SMURF2: variants seen among roughly 807,000 people sequenced by gnomAD.
SMURF2 encodes SMAD specific E3 ubiquitin protein ligase 2.
In SMURF2, 48 loss-of-function variants were observed where a neutral mutation model predicts 109.6. The ratio of observed to expected loss-of-function variants is 0.44; its 90% CI spans 0.35 to 0.56. The LOEUF is 0.56. Ranked by LOEUF, SMURF2 falls within the 20% of genes least tolerant of loss-of-function variation. The probability of loss-of-function intolerance (pLI) is 0.01; values close to 1 mark genes in which losing one functional copy is unlikely to be tolerated. For synonymous variants in SMURF2, 288 were observed against 317.1 expected (o/e 0.91, Z 0.97); for missense variants, 575 against 909.0 (o/e 0.63, Z 4.72).
chr17:64,657,245 A>G (rs1354729751), intron 1 of SMURF2, among the ~76,000 whole-genome samples: 1 of 152,176 alleles, frequency 6.6e-6, no homozygotes, highest in Non-Finnish European at 1.5e-5. Context: ...GATAACAGTA[A>G]TCTTTGAGTT....
chr17:64,638,056 CTTTT>C (rs1280122886), intron 1 of SMURF2, among the ~76,000 whole-genome samples: 2 of 128,978 alleles, frequency 1.6e-5, no homozygotes, highest in Non-Finnish European at 3.2e-5. Context: ...TTTTTTTTTC[CTTTT>C]TCTTTTTTTT....
At chr17:64,646,423 G>A (rs1464430228) in intron 1 of SMURF2, among the ~76,000 whole-genome samples, 3 of 132,548 alleles carry the variant, frequency 2.3e-5, no homozygotes, top group African/African-American at 8.8e-5. Context: ...TGGCTCTATC[G>A]CCCAGGCTGG....
chr17:64,593,275 G>T, intron 4 of SMURF2, 165 bp downstream of exon 4: 4 of 390,282 alleles, frequency 1.0e-5, no homozygotes, highest in Non-Finnish European at 1.6e-5. Context: ...ACATGCACAA[G>T]AAGTTGTGTT....
At chr17:64,614,926 T>C (rs1313905343) in intron 1 of SMURF2, among the ~76,000 whole-genome samples, 4 of 152,230 alleles carry the variant, frequency 2.6e-5, no homozygotes, top group Non-Finnish European at 5.9e-5. Flanking sequence ...ATGGAAATCT[T>C]ATACTTCATT....
intron 9 of SMURF2, among the ~76,000 whole-genome samples, chr17:64,577,082 A>C (rs541645472): frequency 1.3e-5 from 2 of 151,632 alleles, no homozygotes; most frequent in African/African-American, 4.8e-5. Flanking sequence ...AACGATTATA[A>C]ATCATGCTGC....
intron 1 of SMURF2, among the ~76,000 whole-genome samples, chr17:64,625,517 ATC>A (rs1970255666): frequency 6.6e-6 from 1 of 152,230 alleles, no homozygotes; most frequent in Non-Finnish European, 1.5e-5. Context: ...TTCAACACAG[ATC>A]TCTGTTTTAT....
chr17:64,544,586 A>T lies in SMURF2; in HGVS notation c.*1262T>A, dbSNP rs1236050394. 5 of 152,116 alleles carry T rather than the reference A, an allele frequency of 3.3e-5. No homozygotes were observed. Among genetic ancestry groups the T allele is most frequent in the Non-Finnish European group, 5.9e-5 (4 of 68,028 alleles). 9.4% of individuals were successfully genotyped at this position (152,116 alleles called of 1,614,324 possible). On this transcript the variant is annotated 3_prime_UTR_variant, in exon 19 of 19. Coordinates refer to ENST00000262435, the MANE Select transcript of SMURF2 (RefSeq NM_022739.4). ...CACGCACCTTGAAAGCTAAATCTGG[A>T]CGTTTCAAAATCAGATGCAGATCTT...
intron 1 of SMURF2, 24 bp downstream of exon 1, chr17:64,661,805 G>A: frequency 8.2e-7 from 1 of 1,216,526 alleles, no homozygotes; most frequent in East Asian, 3.2e-5. Flanking sequence ...CGGCTGCCCA[G>A]CCCGGCCCGC....
intron 9 of SMURF2, among the ~76,000 whole-genome samples, chr17:64,575,924 G>A (rs373815387): frequency 2.0e-5 from 3 of 152,010 alleles, no homozygotes; most frequent in Non-Finnish European, 4.4e-5. Flanking sequence ...TCAAAATAGG[G>A]CCAAGCATGG....
At chr17:64,658,286 G>A (rs1157323325) in intron 1 of SMURF2, among the ~76,000 whole-genome samples, 1 of 152,148 alleles carries the variant, frequency 6.6e-6, no homozygotes, top group Non-Finnish European at 1.5e-5. Flanking sequence ...GAACCCGGGA[G>A]GTGGAGGTTG....
chr17:64,582,370 A>G (rs1969590312), intron 7 of SMURF2, among the ~76,000 whole-genome samples: 1 of 152,222 alleles, frequency 6.6e-6, no homozygotes, highest in African/African-American at 2.4e-5. Flanking sequence ...ACAAGATGGC[A>G]AATTTTGTTC....
intron 1 of SMURF2, among the ~76,000 whole-genome samples, chr17:64,610,463 T>C (rs186864901): frequency 6.6e-6 from 1 of 152,302 alleles, no homozygotes; most frequent in African/African-American, 2.4e-5. Context: ...TGCAGGGACA[T>C]GGATGAGGCC....
At chr17:64,638,975 C>T (rs1970458163) in intron 1 of SMURF2, among the ~76,000 whole-genome samples, 1 of 152,158 alleles carries the variant, frequency 6.6e-6, no homozygotes, top group Non-Finnish European at 1.5e-5. Flanking sequence ...CAATGCCACC[C>T]AACATAAGGA....
chr17:64,600,288 C>G (rs1476797287), intron 2 of SMURF2, among the ~76,000 whole-genome samples: 1 of 151,912 alleles, frequency 6.6e-6, no homozygotes, highest in East Asian at 1.9e-4. Context: ...GTTTTCAGCC[C>G]AAAGCAATAA....
chr17:64,602,764 T>C (rs1212906056), intron 2 of SMURF2, among the ~76,000 whole-genome samples: 1 of 151,982 alleles, frequency 6.6e-6, no homozygotes, highest in Non-Finnish European at 1.5e-5. Context: ...ACATCTCTAC[T>C]AAAAATACAA....
At chr17:64,573,125 A>AGAGGAGGAGGAGGAGGAG (rs372553868) in intron 9 of SMURF2, 2 of 42,270 alleles carry the variant, frequency 4.7e-5, no homozygotes, top group Non-Finnish European at 7.6e-5. Flanking sequence ...ATTAAAAAAA[A>AGAGGAGGAGGAGGAGGAG]GAGGAGGAGG....
At chr17:64,591,559 C>A (rs1317781370) in intron 4 of SMURF2, among the ~76,000 whole-genome samples, 7 of 151,996 alleles carry the variant, frequency 4.6e-5, no homozygotes, top group African/African-American at 9.7e-5. Context: ...TGACATGGAC[C>A]CAAAAAAGTA....
In SMURF2 at chr17:64,657,608, G is replaced by A. The variant is rs145560925; in HGVS notation, c.52+4221C>T. On this transcript the variant is annotated intron_variant, in intron 1 of 18. Coordinates refer to ENST00000262435, the MANE Select transcript of SMURF2 (RefSeq NM_022739.4). ...TAGTCCCAGCCAGTTGGGAAGCCAA[G>A]GTGGGAAAATCACCTGAGCCGGGAG... 7.5e-3 allele frequency among the ~76,000 whole-genome samples: 1,143 copies of A among 151,874 alleles called. 13 individuals carry two copies. The highest frequency in any genetic ancestry group is 0.012 in the Non-Finnish European group (836 of 67,936).
chr17:64,552,693 GTTCT>G (rs1273983925), intron 15 of SMURF2, among the ~76,000 whole-genome samples: 4 of 152,166 alleles, frequency 2.6e-5, no homozygotes, highest in African/African-American at 7.2e-5. Context: ...ATTCTCATTT[GTTCT>G]TTTTTTATTA....
Sources: gnomAD v4.1 joint callset for allele counts (sites outside exome capture counted in the v4.1 genomes callset) on GRCh38, gnomAD v4.1.1 for gene constraint, MANE v1.5 for transcripts, NCBI Gene and HGNC (gene_info 2026-07-23, HGNC 2026-07-21) for gene names.